The following CAP2 variants were observed in gnomAD, a reference collection of about 807,000 sequenced individuals.
CAP2 encodes the protein adenylyl cyclase-associated protein 2.
In CAP2, 24 loss-of-function variants were observed where a neutral mutation model predicts 57.7. The observed-to-expected ratio is 0.42, with a 90% CI of 0.30 to 0.58. CAP2 has a LOEUF of 0.58. CAP2 is among the 20% of genes least tolerant of loss of function. The probability of loss-of-function intolerance (pLI) is 0.22; values close to 1 mark genes in which losing one functional copy is unlikely to be tolerated. For missense variants in CAP2, 501 were observed against 590.3 expected, an observed-to-expected ratio of 0.85 and a Z score of 1.57; for synonymous variants, 194 against 207.2, an observed-to-expected ratio of 0.94 and a Z score of 0.55.
intron 1 of CAP2, among the ~76,000 whole-genome samples, chr6:17,400,898 T>A (rs1212811253): frequency 6.6e-6 from 1 of 151,562 alleles, no homozygotes; most frequent in African/African-American, 2.4e-5. Context: ...TGGATTCTTA[T>A]GAAAATGAAT....
intron 7 of CAP2, among the ~76,000 whole-genome samples, chr6:17,529,380 G>C (rs1249868274): frequency 6.6e-6 from 1 of 152,068 alleles, no homozygotes; most frequent in Non-Finnish European, 1.5e-5. Flanking sequence ...GGTGGCTCAC[G>C]CCTGTAATCC....
At chr6:17,400,707 C>A (rs2113499761) in intron 1 of CAP2, among the ~76,000 whole-genome samples, 1 of 151,078 alleles carries the variant, frequency 6.6e-6, no homozygotes, top group South Asian at 2.1e-4. Context: ...ACTAAAAATA[C>A]AAAAAAAATT....
intron 1 of CAP2, among the ~76,000 whole-genome samples, chr6:17,403,750 A>G (rs2113504580): frequency 6.6e-6 from 1 of 152,348 alleles, no homozygotes; most frequent in South Asian, 2.1e-4. Context: ...GCGTGGAAAT[A>G]TAAGTTCAAG....
rs146868586 is a variant in CAP2, at chr6:17,504,000, A to C, written c.301-3169A>C. ...ATGGATAGCTAAAAAGTCCACTGGG[A>C]ACCTTGAGAGCACTTTGCTTTCTTT... On this transcript the variant is annotated intron_variant, in intron 4 of 12. Coordinates refer to ENST00000229922, the MANE Select transcript of CAP2 (RefSeq NM_006366.3). Among the ~76,000 whole-genome samples, 424 of 152,302 alleles carry C rather than the reference A, an allele frequency of 2.8e-3. 2 individuals are homozygous for C. The highest frequency in any genetic ancestry group is 9.4e-3 in the African/African-American group (392 of 41,558).
chr6:17,520,864 T>C (rs979615406), intron 7 of CAP2, among the ~76,000 whole-genome samples: 7 of 152,224 alleles, frequency 4.6e-5, no homozygotes, highest in Non-Finnish European at 7.3e-5. Flanking sequence ...ATTTAGAACT[T>C]GTACCAAACC....
rs142056346 is a variant in CAP2, at chr6:17,555,220, GTTTTGCTC to G, written c.1351-1136_1351-1129del. On this transcript the variant is annotated intron_variant, in intron 12 of 12. Transcript: ENST00000229922. ...CTGCATTTTTTTTTTCTGAGACAGA[GTTTTGCTC>G]TTGTTGCCCAGGCTGGAGTGCAATG... Among the ~76,000 whole-genome samples, 188 of 151,760 alleles carry G rather than the reference GTTTTGCTC, an allele frequency of 1.2e-3. 1 individual carries two copies. In the East Asian group the frequency reaches 0.033, roughly 26 times the overall value.
At chr6:17,434,983 A>T (rs532127962) in intron 3 of CAP2, among the ~76,000 whole-genome samples, 1 of 143,252 alleles carries the variant, frequency 7.0e-6, no homozygotes, top group Admixed American at 7.2e-5. Context: ...ACTATGAGAT[A>T]TCATCTCACA....
chr6:17,394,547 G>A (rs1206201824), intron 1 of CAP2, among the ~76,000 whole-genome samples: 1 of 152,200 alleles, frequency 6.6e-6, no homozygotes, highest in Non-Finnish European at 1.5e-5. Flanking sequence ...GTTGAACCGG[G>A]ACTAGGTCCA....
intron 12 of CAP2, among the ~76,000 whole-genome samples, chr6:17,554,362 T>G (rs566290222): frequency 6.6e-6 from 1 of 152,334 alleles, no homozygotes; most frequent in South Asian, 2.1e-4. Flanking sequence ...CTGGGAATCC[T>G]TCCCTGCAAC....
intron 7 of CAP2, among the ~76,000 whole-genome samples, chr6:17,527,312 G>A (rs1414364828): frequency 6.6e-6 from 1 of 152,074 alleles, no homozygotes; most frequent in Non-Finnish European, 1.5e-5. Flanking sequence ...TAACTGTTGG[G>A]CCTCTTGAGT....
At chr6:17,494,971 A>C (rs571130240) in intron 4 of CAP2, among the ~76,000 whole-genome samples, 9 of 152,264 alleles carry the variant, frequency 5.9e-5, no homozygotes, top group Non-Finnish European at 1.2e-4. Context: ...ACTCGAATTG[A>C]AAGATCGTTG....
chr6:17,486,445 A>G (rs537628241), intron 4 of CAP2, among the ~76,000 whole-genome samples: 35 of 151,716 alleles, frequency 2.3e-4, no homozygotes, highest in Non-Finnish European at 4.4e-4. Context: ...CTCTACTAAA[A>G]ATACAAAAAA....
rs1763324210 is a variant in CAP2 at position 17,556,799 on chromosome 6, A to G, written c.*357A>G. The G allele has an allele frequency of 5.2e-6, 1 of 191,124 alleles. No homozygotes were observed. Among genetic ancestry groups the G allele is most frequent in the Admixed American group, 5.8e-5 (1 of 17,384 alleles). The allele number at this position is 191,124 out of a possible 1,614,324, so 11.8% of individuals were successfully genotyped here. A position where few individuals can be genotyped will look rare whatever the true frequency, so the allele number is the denominator to read the frequency against. ...ACACTTATATTTCATTGCTAGTTAA[A>G]AAATAAAACCTTTGAGAATCTAAGA... On this transcript the variant is annotated 3_prime_UTR_variant, in exon 13 of 13. Coordinates refer to ENST00000229922, the MANE Select transcript of CAP2 (RefSeq NM_006366.3).
At chr6:17,453,838 G>T (rs929348641) in intron 3 of CAP2, among the ~76,000 whole-genome samples, 3 of 151,918 alleles carry the variant, frequency 2.0e-5, no homozygotes, top group African/African-American at 7.3e-5. Context: ...TTTTGGAGAG[G>T]CGGAGACCTG....
chr6:17,428,014 A>G (rs1422378052), intron 3 of CAP2, among the ~76,000 whole-genome samples: 1 of 152,228 alleles, frequency 6.6e-6, no homozygotes, highest in Non-Finnish European at 1.5e-5. Context: ...AAATTGTTCA[A>G]TGAGTACAGA....
At chr6:17,507,513 C>A in intron 5 of CAP2, 128 bp from the exon 6 acceptor site, 1 of 796,840 alleles carries the variant, frequency 1.3e-6, no homozygotes, top group Non-Finnish European at 2.1e-6. Flanking sequence ...TCAACCTTTA[C>A]AGAGCAACAT....
intron 4 of CAP2, among the ~76,000 whole-genome samples, chr6:17,502,740 T>G (rs1242112590): frequency 6.6e-6 from 1 of 152,230 alleles, no homozygotes; most frequent in African/African-American, 2.4e-5. Context: ...CTTTTTCCCC[T>G]TGGGGCAGTG....
At chr6:17,406,425 A>C in intron 1 of CAP2, among the ~76,000 whole-genome samples, 1 of 66,758 alleles carries the variant, frequency 1.5e-5, no homozygotes, top group South Asian at 4.6e-4. Context: ...AGGCAGTCTC[A>C]CTCTGTCGCC....
intron 3 of CAP2, among the ~76,000 whole-genome samples, chr6:17,452,390 T>C (rs774529455): frequency 6.6e-6 from 1 of 152,232 alleles, no homozygotes; most frequent in Non-Finnish European, 1.5e-5. Context: ...CACTTCTGGC[T>C]TACTTCTTTG....
Sources: gnomAD v4.1 joint callset for allele counts (sites outside exome capture counted in the v4.1 genomes callset) on GRCh38, gnomAD v4.1.1 for gene constraint, MANE v1.5 for transcripts, NCBI Gene and HGNC (gene_info 2026-07-23, HGNC 2026-07-21) for gene names.